GABRB1: variants seen among roughly 807,000 people sequenced by gnomAD.
The protein encoded by GABRB1 is gamma-aminobutyric acid type A receptor subunit beta1.
GABRB1 carries 17 observed loss-of-function variants against 51.6 expected under a neutral mutation model. The observed-to-expected ratio is 0.33, with a 90% confidence interval of 0.23 to 0.49. The LOEUF is 0.49. Among genes scored for constraint, GABRB1 ranks in the 20% least tolerant of loss-of-function variants. The pLI is 0.99. For synonymous variants in GABRB1, 247 were observed against 218.9 expected, an observed-to-expected ratio of 1.13 and a Z score of -1.14; for missense variants, 410 against 600.6, an observed-to-expected ratio of 0.68 and a Z score of 3.32.
chr4:47,357,568 A>T (rs192683621), intron 5 of GABRB1, among the ~76,000 whole-genome samples: 1 of 152,178 alleles, frequency 6.6e-6, no homozygotes, highest in Non-Finnish European at 1.5e-5. Flanking sequence ...GCAAATGTCA[A>T]ATTGGAAGTT....
chr4:47,228,713 A>G (rs1721038179), intron 4 of GABRB1, among the ~76,000 whole-genome samples: 1 of 152,132 alleles, frequency 6.6e-6, no homozygotes, highest in South Asian at 2.1e-4. Context: ...AGACAGTGGC[A>G]ACAGGGGCCT....
intron 5 of GABRB1, among the ~76,000 whole-genome samples, chr4:47,384,316 T>C (rs1334704725): frequency 6.6e-6 from 1 of 151,776 alleles, no homozygotes; most frequent in East Asian, 1.9e-4. Context: ...AGGTTGAGGA[T>C]TTTTTTTAGA....
At chr4:47,201,917 T>A (rs1355815499) in intron 4 of GABRB1, among the ~76,000 whole-genome samples, 1 of 152,100 alleles carries the variant, frequency 6.6e-6, no homozygotes, top group Non-Finnish European at 1.5e-5. Context: ...TATAAAAAAG[T>A]ACTCTTGTAG....
chr4:47,034,389 T>C (rs1312756845), intron 3 of GABRB1, among the ~76,000 whole-genome samples: 1 of 152,188 alleles, frequency 6.6e-6, no homozygotes, highest in South Asian at 2.1e-4. Context: ...TTGACTTTAA[T>C]TGAAATACCA....
chr4:47,306,029 C>T (rs983162847), intron 4 of GABRB1, among the ~76,000 whole-genome samples: 8 of 151,932 alleles, frequency 5.3e-5, no homozygotes, highest in Non-Finnish European at 1.2e-4. Context: ...TCATGTACTA[C>T]AAAAGGAACT....
intron 4 of GABRB1, among the ~76,000 whole-genome samples, chr4:47,304,327 C>T (rs927468471): frequency 2.0e-5 from 3 of 151,962 alleles, no homozygotes; most frequent in Non-Finnish European, 4.4e-5. Flanking sequence ...TGATAATAAC[C>T]ATTCTAATGG....
chr4:47,031,365 A>G, upstream of GABRB1: 1 of 458,980 alleles, frequency 2.2e-6, no homozygotes, highest in Non-Finnish European at 3.9e-6. Flanking sequence ...CCTCCAATGC[A>G]TGAAGGAAAC....
chr4:47,329,010 A>G (rs1167054944), intron 5 of GABRB1, among the ~76,000 whole-genome samples: 2 of 152,190 alleles, frequency 1.3e-5, no homozygotes, highest in African/African-American at 2.4e-5. Context: ...AGGTTTGCAG[A>G]ATTGAAATAT....
intron 8 of GABRB1, 104 bp downstream of exon 8, chr4:47,407,030 A>G (rs1262903142): frequency 8.8e-7 from 1 of 1,131,478 alleles, no homozygotes; most frequent in Non-Finnish European, 1.2e-6. Flanking sequence ...AATAGTTGAT[A>G]TTTAATAAGA....
At chr4:47,297,981 G>C (rs780989476) in intron 4 of GABRB1, among the ~76,000 whole-genome samples, 4 of 152,164 alleles carry the variant, frequency 2.6e-5, no homozygotes, top group Non-Finnish European at 5.9e-5. Context: ...CAGAATCAAA[G>C]ACAAAAACTA....
intron 5 of GABRB1, among the ~76,000 whole-genome samples, chr4:47,354,233 TGAGTATTTAATATG>T (rs1160607645): frequency 1.3e-5 from 2 of 152,318 alleles, no homozygotes; most frequent in Non-Finnish European, 2.9e-5. Context: ...GACCAGTTGG[TGAGTATTTAATATG>T]CTTAATATTA....
chr4:47,009,969 G>A (rs1416544864), intron 1 of GABRB1, among the ~76,000 whole-genome samples: 1 of 152,206 alleles, frequency 6.6e-6, no homozygotes, highest in Non-Finnish European at 1.5e-5. Context: ...CTACTAAACA[G>A]TTCACAAAAC....
At chr4:47,337,244 C>T (rs1036791206) in intron 5 of GABRB1, among the ~76,000 whole-genome samples, 4 of 151,910 alleles carry the variant, frequency 2.6e-5, no homozygotes, top group Admixed American at 2.6e-4. Flanking sequence ...CTCCATCCCC[C>T]CATCCCCCGA....
intron 4 of GABRB1, among the ~76,000 whole-genome samples, chr4:47,169,745 C>A (rs982460851): frequency 6.6e-6 from 1 of 152,028 alleles, no homozygotes; most frequent in Non-Finnish European, 1.5e-5. Flanking sequence ...CAGGTGATCC[C>A]CCCGCCTTGA....
At chr4:47,008,301 A>G (rs1724471300) in intron 1 of GABRB1, among the ~76,000 whole-genome samples, 1 of 152,130 alleles carries the variant, frequency 6.6e-6, no homozygotes, top group Non-Finnish European at 1.5e-5. Context: ...TCTGTACCTA[A>G]AATATACATT....
intron 4 of GABRB1, among the ~76,000 whole-genome samples, chr4:47,288,172 A>G (rs1723582922): frequency 1.3e-5 from 2 of 152,110 alleles, no homozygotes; most frequent in African/African-American, 4.8e-5. Context: ...TAATCACAGA[A>G]CACTGGTGTA....
At chr4:47,300,654 A>T (rs907825582) in intron 4 of GABRB1, among the ~76,000 whole-genome samples, 1 of 152,068 alleles carries the variant, frequency 6.6e-6, no homozygotes, top group Non-Finnish European at 1.5e-5. Context: ...TTGTGGGTAC[A>T]TTGTAGGTGT....
chr4:47,005,024 G>T (rs1320695207), intron 1 of GABRB1, among the ~76,000 whole-genome samples: 2 of 152,170 alleles, frequency 1.3e-5, no homozygotes, highest in African/African-American at 4.8e-5. Flanking sequence ...GAGAGCCAAA[G>T]CCAAGAGTGG....
At chr4:47,293,210 C>T (rs887338656) in intron 4 of GABRB1, among the ~76,000 whole-genome samples, 3 of 152,138 alleles carry the variant, frequency 2.0e-5, no homozygotes, top group African/African-American at 4.8e-5. Flanking sequence ...GGTGCAATCT[C>T]ATCTCACCAC....
Sources: allele counts gnomAD v4.1 joint callset (sites outside exome capture counted in the v4.1 genomes callset), GRCh38; gene constraint gnomAD v4.1.1; transcripts MANE v1.5; gene names NCBI Gene and HGNC (gene_info 2026-07-23, HGNC 2026-07-21).